The following PTPRT variants were observed in gnomAD, a reference collection of about 807,000 sequenced individuals.
The protein encoded by PTPRT is receptor-type tyrosine-protein phosphatase T.
Under a neutral mutation model 176.8 loss-of-function variants are expected in PTPRT, and 56 were observed. The ratio of observed to expected loss-of-function variants is 0.32; its 90% confidence interval spans 0.26 to 0.40. The LOEUF (loss-of-function observed/expected upper bound fraction) is 0.40. Among genes scored for constraint, PTPRT ranks in the 10% least tolerant of loss-of-function variants. PTPRT has a pLI of 1.00. For missense variants in PTPRT, 1,540 were observed against 1,908.2 expected, an observed-to-expected ratio of 0.81 and a Z score of 3.60; for synonymous variants, 783 against 739.0, an observed-to-expected ratio of 1.06 and a Z score of -0.96.
chr20:42,636,061 G>C (rs1829206489), intron 7 of PTPRT, among the ~76,000 whole-genome samples: 1 of 152,080 alleles, frequency 6.6e-6, no homozygotes, highest in Non-Finnish European at 1.5e-5. Flanking sequence ...TAATAGAGTT[G>C]ACCGACAATT....
chr20:42,124,864 C>A (rs1434149179), intron 19 of PTPRT, among the ~76,000 whole-genome samples: 1 of 152,192 alleles, frequency 6.6e-6, no homozygotes, highest in Non-Finnish European at 1.5e-5. Context: ...TCCATTTCCC[C>A]TTTTTCCTTC....
intron 2 of PTPRT, among the ~76,000 whole-genome samples, chr20:42,853,452 C>G (rs1190732356): frequency 6.6e-6 from 1 of 152,132 alleles, no homozygotes; most frequent in Admixed American, 6.5e-5. Flanking sequence ...AACTCTCAGT[C>G]TGAGGCCAAA....
At chr20:43,061,999 A>C (rs1987482105) in intron 1 of PTPRT, among the ~76,000 whole-genome samples, 1 of 152,218 alleles carries the variant, frequency 6.6e-6, no homozygotes, top group African/African-American at 2.4e-5. Context: ...GATGAACACA[A>C]AACAGTACAT....
chr20:43,083,321 T>TGTATATATATATATATACAC (rs1491174501), intron 1 of PTPRT, among the ~76,000 whole-genome samples: 2 of 11,428 alleles, frequency 1.8e-4, no homozygotes, highest in Non-Finnish European at 3.1e-4. Context: ...ACTTCAAATG[T>TGTATATATATATATATACAC]ATATATATAT....
chr20:42,763,633 C>G (rs113506224), intron 5 of PTPRT, among the ~76,000 whole-genome samples: 2 of 152,286 alleles, frequency 1.3e-5, no homozygotes, highest in African/African-American at 2.4e-5. Context: ...TTCTAGTCAC[C>G]CTGCTGCCAC....
intron 13 of PTPRT, among the ~76,000 whole-genome samples, chr20:42,280,727 A>AGCAACTCTAG: frequency 6.6e-6 from 1 of 152,270 alleles, no homozygotes; most frequent in South Asian, 2.1e-4. Context: ...ACATCAGCAA[A>AGCAACTCTAG]GCAACTCTAG....
chr20:42,418,242 T>C (rs922049126), intron 9 of PTPRT, among the ~76,000 whole-genome samples: 1 of 152,218 alleles, frequency 6.6e-6, no homozygotes, highest in Non-Finnish European at 1.5e-5. Context: ...TACATATTAC[T>C]AAAACTATAC....
intron 7 of PTPRT, among the ~76,000 whole-genome samples, chr20:42,632,676 T>G (rs1166715103): frequency 2.0e-5 from 3 of 149,508 alleles, no homozygotes; most frequent in Non-Finnish European, 4.4e-5. Flanking sequence ...TTACTATATT[T>G]TACTATATTT....
At chr20:42,811,318 G>A (rs1380516093) in intron 2 of PTPRT, among the ~76,000 whole-genome samples, 1 of 152,114 alleles carries the variant, frequency 6.6e-6, no homozygotes, top group Non-Finnish European at 1.5e-5. Context: ...ATGAGGATGG[G>A]CGGATGGACG....
At chr20:42,310,351 A>G (rs1284454117) in intron 12 of PTPRT, among the ~76,000 whole-genome samples, 1 of 152,208 alleles carries the variant, frequency 6.6e-6, no homozygotes, top group Non-Finnish European at 1.5e-5. Context: ...CATGTTAATT[A>G]TCAATGAGAA....
At chr20:42,291,464 ATCTATATTTAAGT>A (rs2057315523) in intron 12 of PTPRT, among the ~76,000 whole-genome samples, 2 of 152,174 alleles carry the variant, frequency 1.3e-5, no homozygotes, top group Admixed American at 6.6e-5. Flanking sequence ...AAATTTGTCA[ATCTATATTTAAGT>A]TTAGTACAGT....
At chr20:42,668,861 T>C (rs1360600219) in intron 7 of PTPRT, among the ~76,000 whole-genome samples, 1 of 113,418 alleles carries the variant, frequency 8.8e-6, no homozygotes, top group Admixed American at 7.9e-5. Flanking sequence ...CCAGCTAATT[T>C]TTTTTTTTTT....
At chr20:42,265,163 A>G (rs574162837) in intron 13 of PTPRT, among the ~76,000 whole-genome samples, 1 of 152,240 alleles carries the variant, frequency 6.6e-6, no homozygotes, top group South Asian at 2.1e-4. Context: ...TCAGATAGTA[A>G]ATTATGTGGC....
chr20:42,849,779 C>T (rs765976556), intron 2 of PTPRT, among the ~76,000 whole-genome samples: 1 of 152,208 alleles, frequency 6.6e-6, no homozygotes, highest in Non-Finnish European at 1.5e-5. Context: ...TTTTCTAGAA[C>T]AGCACCCAAC....
chr20:42,606,449 T>G (rs957412231), intron 7 of PTPRT, among the ~76,000 whole-genome samples: 3 of 152,206 alleles, frequency 2.0e-5, no homozygotes. Context: ...CAATACTTTT[T>G]GAGCACCTGC....
At chr20:43,020,170 CTATA>C (rs1985601386) in intron 1 of PTPRT, among the ~76,000 whole-genome samples, 1 of 145,382 alleles carries the variant, frequency 6.9e-6, no homozygotes, top group Non-Finnish European at 1.5e-5. Context: ...GTGTTTGTCT[CTATA>C]TAATTACATA....
intron 14 of PTPRT, among the ~76,000 whole-genome samples, chr20:42,241,902 C>A (rs1278226969): frequency 6.6e-6 from 1 of 152,080 alleles, no homozygotes; most frequent in African/African-American, 2.4e-5. Context: ...TATATTTAAT[C>A]CAGATTAGAT....
chr20:42,431,191 T>C (rs6072743), intron 9 of PTPRT, among the ~76,000 whole-genome samples: 5,037 of 152,278 alleles, frequency 0.033, 99 homozygotes, highest in Middle Eastern at 0.048. Flanking sequence ...CACACAATTT[T>C]ATTAAACCAA....
intron 1 of PTPRT, among the ~76,000 whole-genome samples, chr20:43,081,660 G>A (rs540053647): frequency 1.6e-4 from 25 of 152,114 alleles, no homozygotes; most frequent in East Asian, 3.9e-4. Context: ...CAGAGAATAT[G>A]GTCTGAATGA....
Sources: allele counts gnomAD v4.1 joint callset (sites outside exome capture counted in the v4.1 genomes callset), GRCh38; gene constraint gnomAD v4.1.1; transcripts MANE v1.5; gene names NCBI Gene and HGNC (gene_info 2026-07-23, HGNC 2026-07-21).